TOX4: variants seen among roughly 807,000 people sequenced by gnomAD.
The protein encoded by TOX4 is epidermal Langerhans cell protein LCP1.
Under a neutral mutation model 61.0 loss-of-function variants are expected in TOX4, and 12 were observed. The observed-to-expected ratio is 0.20, with a 90% CI of 0.13 to 0.32. TOX4 has a LOEUF of 0.32. TOX4 is among the 10% of genes least tolerant of loss of function. The pLI is 1.00. For missense variants in TOX4, 499 were observed against 753.3 expected (o/e 0.66, Z 3.95); for synonymous variants, 268 against 274.8 (o/e 0.98, Z 0.24).
chr14:21,481,934 G>A lies in TOX4; in HGVS notation c.75+4370G>A, dbSNP rs574749577. On this transcript the variant is annotated intron_variant, in intron 2 of 8. Coordinates refer to ENST00000448790, the MANE Select transcript of TOX4 (RefSeq NM_014828.4). ...GGAAGGAAGTATTCACTGGAAAGGG[G>A]CACAAGGAAATGTTCTGCATCTTTG... 4.6e-5 allele frequency among the ~76,000 whole-genome samples: 7 copies of A among 152,278 alleles called. No homozygotes were observed. In the East Asian group the frequency reaches 1.2e-3, roughly 25 times the overall value.
intron 5 of TOX4, among the ~76,000 whole-genome samples, chr14:21,491,550 A>G (rs1333451688): frequency 6.6e-6 from 1 of 150,750 alleles, no homozygotes; most frequent in Non-Finnish European, 1.5e-5. Flanking sequence ...TTTTTAGTAG[A>G]GATCGGGTTT....
chr14:21,482,219 A>G (rs1370937586), intron 2 of TOX4, among the ~76,000 whole-genome samples: 16 of 152,030 alleles, frequency 1.1e-4, no homozygotes, highest in Admixed American at 1.0e-3. Flanking sequence ...GGAAATAATT[A>G]GGCATAAAGG....
intron 5 of TOX4, among the ~76,000 whole-genome samples, chr14:21,490,954 T>G (rs930128179): frequency 1.3e-5 from 2 of 152,234 alleles, no homozygotes; most frequent in African/African-American, 4.8e-5. Flanking sequence ...GCCTCCCAAG[T>G]AGCTGGGATT....
chr14:21,489,147 A>C (rs1241994096), intron 4 of TOX4, 26 bp from the exon 5 acceptor site: 20 of 1,604,602 alleles, frequency 1.2e-5, no homozygotes, highest in Admixed American at 3.4e-5. Context: ...TCCATTGTGT[A>C]ATTCTCTCTT....
Position 21,489,457 on chromosome 14 carries a change from T to G in TOX4, c.810+54T>G, listed in dbSNP as rs1891246828. On this transcript the variant is annotated intron_variant, in intron 5 of 8. Transcript: ENST00000448790. Reference sequence around the variant, plus strand: ...AATGTTCCAGAAGTTTTTAAAGAGATAAAAATTGAGGTTTTCTTTTTTCTT... The same window carrying G: ...AATGTTCCAGAAGTTTTTAAAGAGAGAAAAATTGAGGTTTTCTTTTTTCTT... 8.7e-6 allele frequency: 13 copies of G among 1,501,212 alleles called. No homozygotes were observed. The East Asian group carries it at 2.5e-4, about 29-fold the overall frequency. 93.0% of individuals were successfully genotyped at this position (1,501,212 alleles called of 1,614,324 possible).
intron 2 of TOX4, among the ~76,000 whole-genome samples, chr14:21,481,031 G>A (rs752452798): frequency 3.9e-5 from 6 of 152,064 alleles, no homozygotes; most frequent in Non-Finnish European, 7.4e-5. Flanking sequence ...TGGAAGTTGT[G>A]GTGAGCTGAG....
intron 2 of TOX4, among the ~76,000 whole-genome samples, chr14:21,479,739 C>A (rs1239240146): frequency 2.0e-5 from 3 of 152,118 alleles, no homozygotes; most frequent in Non-Finnish European, 4.4e-5. Context: ...TTTTAAATTT[C>A]ATTATTTGAG....
chr14:21,495,442 T>G, intron 8 of TOX4, 50 bp downstream of exon 8: 1 of 1,568,640 alleles, frequency 6.4e-7, no homozygotes, highest in Non-Finnish European at 8.7e-7. Context: ...TCAATTCTAC[T>G]GGGAAACATA....
chr14:21,482,704 C>A, intron 2 of TOX4: 1 of 408,516 alleles, frequency 2.4e-6, no homozygotes, highest in Non-Finnish European at 5.0e-6. Flanking sequence ...TTATATTTAA[C>A]AGTCTAGAGT....
At chr14:21,478,261 A>C (rs1352894732) in intron 2 of TOX4, among the ~76,000 whole-genome samples, 2 of 152,186 alleles carry the variant, frequency 1.3e-5, no homozygotes, top group African/African-American at 4.8e-5. Context: ...TTGATAAAAA[A>C]TTTGTGGTTA....
At position 21,496,835 on chromosome 14, in the gene TOX4, G is replaced by C; in HGVS notation, c.*229G>C. On this transcript the variant is annotated 3_prime_UTR_variant, in exon 9 of 9. Coordinates refer to ENST00000448790, the MANE Select transcript of TOX4 (RefSeq NM_014828.4). ...CTTTCAACCATAAGCGGTAATAGCA[G>C]AGGAAAGGGTGAAGGGAGTCTGGGC... The C allele has an allele frequency of 2.0e-6, 1 of 490,044 alleles. No homozygotes were observed. Among genetic ancestry groups the C allele is most frequent in the South Asian group, 2.3e-5 (1 of 43,366 alleles). 30.4% of individuals were successfully genotyped at this position (490,044 alleles called of 1,614,324 possible). A position where few individuals can be genotyped will look rare whatever the true frequency, so the allele number is the denominator to read the frequency against.
rs143916880 is a variant in TOX4 at position 21,480,977 on chromosome 14, C to A, written c.75+3413C>A. ...TGGCAGCGCATGCCTGTAATCCCAGCTACTCAGGAGGCAGAGGCAGGAGAA... is the reference window on the plus strand; with the variant it reads ...TGGCAGCGCATGCCTGTAATCCCAGATACTCAGGAGGCAGAGGCAGGAGAA... On this transcript the variant is annotated intron_variant, in intron 2 of 8. Transcript: ENST00000448790. 4.1e-3 allele frequency among the ~76,000 whole-genome samples: 620 copies of A among 152,186 alleles called. 3 individuals carry two copies. The highest frequency in any genetic ancestry group is 0.014 in the African/African-American group (590 of 41,520).
rs2139637853 is a variant in TOX4, at chr14:21,498,813, G to A, written c.*2207G>A. 1.8e-6 allele frequency: 1 copy of A among 550,030 alleles called. No homozygotes were observed. The highest frequency in any genetic ancestry group is 3.2e-6 in the Non-Finnish European group (1 of 308,234). 34.1% of individuals were successfully genotyped at this position (550,030 alleles called of 1,614,324 possible). A position where few individuals can be genotyped will look rare whatever the true frequency, so the allele number is the denominator to read the frequency against. On this transcript the variant is annotated 3_prime_UTR_variant, in exon 9 of 9. Transcript: ENST00000448790. Reference sequence around the variant, plus strand: ...GTTGTGAAGAGAGTAGAAACCCTAGGGAGCAGTGCTTTTGGGTCCTAGAAC... The same window carrying A: ...GTTGTGAAGAGAGTAGAAACCCTAGAGAGCAGTGCTTTTGGGTCCTAGAAC...
intron 2 of TOX4, among the ~76,000 whole-genome samples, chr14:21,482,939 G>C (rs1891131866): frequency 6.6e-6 from 1 of 151,894 alleles, no homozygotes; most frequent in South Asian, 2.1e-4. Context: ...ACAGAACCCA[G>C]AAAACCACCA....
rs114080404 is a variant in TOX4, at chr14:21,481,681, G to C, written c.75+4117G>C. 6.2e-3 allele frequency among the ~76,000 whole-genome samples: 940 copies of C among 152,172 alleles called. 9 individuals carry two copies. Among genetic ancestry groups the C allele is most frequent in the African/African-American group, 0.022 (898 of 41,494 alleles). ...ACTTTATTCTTACTAGCTTAACCCT[G>C]AAAACAACTCATGTCTATCAACAGA... is the stretch of plus-strand genomic sequence containing the variant. On this transcript the variant is annotated intron_variant, in intron 2 of 8. Transcript: ENST00000448790.
rs1251756576 is a variant in TOX4, at chr14:21,485,906, A to C, written c.76-1545A>C. Reference sequence around the variant, plus strand: ...AAAAAAAGACAGAAATGGTCATAATAGAAGAACATTTCAGGATCTAGAGGA... The same window carrying C: ...AAAAAAAGACAGAAATGGTCATAATCGAAGAACATTTCAGGATCTAGAGGA... On this transcript the variant is annotated intron_variant, in intron 2 of 8. Transcript: ENST00000448790. Among the ~76,000 whole-genome samples the C allele has an allele frequency of 8.5e-5, 9 of 105,722 alleles. 3 individuals are homozygous for C. Among genetic ancestry groups the C allele is most frequent in the African/African-American group, 3.2e-4 (9 of 28,104 alleles). 69.4% of individuals were successfully genotyped at this position (105,722 alleles called of 152,430 possible). A position where few individuals can be genotyped will look rare whatever the true frequency, so the allele number is the denominator to read the frequency against.
rs954689148 is a variant in TOX4 at position 21,488,995 on chromosome 14, C to T, written c.579+145C>T. 3.1e-6 allele frequency: 4 copies of T among 1,301,118 alleles called. No individual in the cohort carries two copies. In the African/African-American group the frequency reaches 4.5e-5, roughly 15 times the overall value. The allele number at this position is 1,301,118 out of a possible 1,614,324, so 80.6% of individuals were successfully genotyped here. On this transcript the variant is annotated intron_variant, in intron 4 of 8. Coordinates refer to ENST00000448790, the MANE Select transcript of TOX4 (RefSeq NM_014828.4). ...GTATGGGGTTCCACCTCCCAATTTC[C>T]AGTTTATAATTCTCCTCTCAATCCC...
At chr14:21,489,903 T>C (rs1233092306) in intron 5 of TOX4, among the ~76,000 whole-genome samples, 2 of 151,200 alleles carry the variant, frequency 1.3e-5, no homozygotes, top group Non-Finnish European at 3.0e-5. Context: ...ATTAATAGGC[T>C]GAGTGTGGTG....
chr14:21,492,804 C>A lies in TOX4; in HGVS notation c.1188C>A (p.Thr396=). The part of the protein sequence containing the change: ...MVTVIPATVV[T]SRGLQLGQTS... ...CTGTTATCCCAGCCACAGTGGTGAC[C>A]TCCCGGGGGCTCCAACTAGGCCAAA... Residue 396 remains threonine (T), a synonymous_variant, in exon 7 of 9, where the codon ACC becomes ACA. Coordinates refer to ENST00000448790, the MANE Select transcript of TOX4 (RefSeq NM_014828.4). The A allele has an allele frequency of 6.2e-7, 1 of 1,614,124 alleles. No homozygotes were observed. The highest frequency in any genetic ancestry group is 8.5e-7 in the Non-Finnish European group (1 of 1,180,018).
Sources: allele counts gnomAD v4.1 joint callset (sites outside exome capture counted in the v4.1 genomes callset), GRCh38; gene constraint gnomAD v4.1.1; transcripts MANE v1.5; gene names NCBI Gene and HGNC (gene_info 2026-07-23, HGNC 2026-07-21).